SLC22A24: variants seen among roughly 807,000 people sequenced by gnomAD.
The protein encoded by SLC22A24 is solute carrier family 22 member 24, also known as steroid transmembrane transporter SLC22A24.
In SLC22A24, 53 loss-of-function variants were observed where a neutral mutation model predicts 49.8. The ratio of observed to expected loss-of-function variants is 1.06; its 90% CI spans 0.85 to 1.34. The LOEUF is 1.34. Among genes scored for constraint, SLC22A24 ranks in the 40% most tolerant of loss-of-function variants. The pLI is 0.00. For synonymous variants in SLC22A24, 302 were observed against 256.4 expected (o/e 1.18, Z -1.70); for missense variants, 786 against 675.9 (o/e 1.16, Z -1.81).
At chr11:63,094,115 A>G (rs1405995408) in intron 6 of SLC22A24, among the ~76,000 whole-genome samples, 2 of 149,414 alleles carry the variant, frequency 1.3e-5, no homozygotes, top group African/African-American at 2.4e-5. Context: ...AGCATTAGGT[A>G]TATCTCCTAA....
intron 5 of SLC22A24, among the ~76,000 whole-genome samples, chr11:63,099,816 G>C (rs556495911): frequency 1.3e-5 from 2 of 152,100 alleles, no homozygotes; most frequent in African/African-American, 4.8e-5. Flanking sequence ...CAGAATAAAG[G>C]ACAAAAACTG....
chr11:63,098,626 G>A (rs2087070125), intron 5 of SLC22A24, among the ~76,000 whole-genome samples: 2 of 152,040 alleles, frequency 1.3e-5, no homozygotes, highest in African/African-American at 4.8e-5. Flanking sequence ...TTACACCACT[G>A]CCCTCCAGCC....
At chr11:63,082,559 G>A (rs2086966024) in intron 7 of SLC22A24, among the ~76,000 whole-genome samples, 1 of 152,102 alleles carries the variant, frequency 6.6e-6, no homozygotes, top group Non-Finnish European at 1.5e-5. Flanking sequence ...ATTTAACTTA[G>A]GAAAGTGGAT....
intron 7 of SLC22A24, among the ~76,000 whole-genome samples, chr11:63,083,023 C>T (rs115492125): frequency 0.017 from 2,642 of 152,160 alleles, 80 homozygotes; most frequent in African/African-American, 0.06. Context: ...TGAAGACAAC[C>T]GTGTGTCTGA....
intron 4 of SLC22A24, among the ~76,000 whole-genome samples, chr11:63,112,155 T>A (rs2087170226): frequency 6.6e-6 from 1 of 152,094 alleles, no homozygotes; most frequent in African/African-American, 2.4e-5. Flanking sequence ...TGTAGTTGAG[T>A]GGTTTTGAGT....
intron 2 of SLC22A24, among the ~76,000 whole-genome samples, chr11:63,128,554 C>T (rs770327549): frequency 3.0e-4 from 45 of 152,312 alleles, no homozygotes; most frequent in East Asian, 9.6e-4. Flanking sequence ...GCTCCTGGTC[C>T]GCTTTCATGT....
chr11:63,110,620 G>A (rs1225888605), intron 4 of SLC22A24, among the ~76,000 whole-genome samples: 1 of 131,210 alleles, frequency 7.6e-6, no homozygotes, highest in Non-Finnish European at 1.7e-5. Flanking sequence ...GTTGTGAATG[G>A]GAGTTCACTC....
intron 4 of SLC22A24, among the ~76,000 whole-genome samples, chr11:63,110,803 A>G (rs1423620026): frequency 1.4e-5 from 2 of 141,524 alleles, no homozygotes; most frequent in African/African-American, 5.1e-5. Flanking sequence ...AACATGGACA[A>G]TTTGACTTCC....
intron 5 of SLC22A24, among the ~76,000 whole-genome samples, chr11:63,097,569 G>A (rs543061314): frequency 3.4e-4 from 51 of 152,214 alleles, no homozygotes; most frequent in African/African-American, 1.2e-3. Flanking sequence ...TCCCATTACT[G>A]GGTATATACC....
chr11:63,103,821 G>A (rs1039196763), intron 5 of SLC22A24, among the ~76,000 whole-genome samples: 4 of 152,134 alleles, frequency 2.6e-5, no homozygotes, highest in Non-Finnish European at 5.9e-5. Flanking sequence ...TCTTCTGTAT[G>A]ATTAATTATA....
Position 63,143,622 on chromosome 11 carries a change from A to AG in SLC22A24, c.157dup (p.Leu53ProfsTer5), listed in dbSNP as rs1308078240. 1 of 1,588,712 alleles carries AG rather than the reference A, an allele frequency of 6.3e-7. No homozygotes were observed. The highest frequency in any genetic ancestry group is 8.6e-7 in the Non-Finnish European group (1 of 1,168,214). The stretch of plus-strand genomic sequence containing the variant: ...GTCAGACACAGTGTCATTGTCCAGG[A>AG]GGGGGACCCAGCAGCGATGACTAGG... On this transcript the variant is annotated frameshift_variant, in exon 1 of 10. Transcript: ENST00000612278. LOFTEE classifies it high-confidence loss of function.
intron 5 of SLC22A24, among the ~76,000 whole-genome samples, chr11:63,102,406 T>C (rs557156077): frequency 2.0e-5 from 3 of 152,120 alleles, no homozygotes; most frequent in Middle Eastern, 6.8e-3. Flanking sequence ...AAATACAGCC[T>C]CTAGGATACT....
At chr11:63,088,140 C>T (rs937419197) in intron 6 of SLC22A24, among the ~76,000 whole-genome samples, 4 of 152,188 alleles carry the variant, frequency 2.6e-5, no homozygotes, top group African/African-American at 7.2e-5. Context: ...GGAGAAACCT[C>T]CCAACGGGGT....
At chr11:63,090,022 A>G (rs1482361818) in intron 6 of SLC22A24, among the ~76,000 whole-genome samples, 1 of 138,490 alleles carries the variant, frequency 7.2e-6, no homozygotes, top group Non-Finnish European at 1.5e-5. Flanking sequence ...CAGAGCTTGC[A>G]GAGAGCTGAG....
intron 1 of SLC22A24, among the ~76,000 whole-genome samples, chr11:63,139,570 C>G (rs1415937099): frequency 6.6e-6 from 1 of 152,146 alleles, no homozygotes; most frequent in Non-Finnish European, 1.5e-5. Flanking sequence ...ACATCCCCAA[C>G]CCCCAATGAG....
At chr11:63,136,443 C>T (rs1219738790) in intron 1 of SLC22A24, among the ~76,000 whole-genome samples, 1 of 152,234 alleles carries the variant, frequency 6.6e-6, no homozygotes, top group Non-Finnish European at 1.5e-5. Context: ...TCCAACAGCA[C>T]ATCATACAAC....
intron 6 of SLC22A24, among the ~76,000 whole-genome samples, chr11:63,095,381 G>A (rs1358523925): frequency 3.3e-5 from 5 of 152,100 alleles, no homozygotes; most frequent in Non-Finnish European, 7.4e-5. Flanking sequence ...AAGAGAAAAT[G>A]ACCTACAATT....
chr11:63,139,986 T>C (rs1192525726), intron 1 of SLC22A24, among the ~76,000 whole-genome samples: 1 of 152,122 alleles, frequency 6.6e-6, no homozygotes, highest in Non-Finnish European at 1.5e-5. Flanking sequence ...GAGCTTAATA[T>C]TTTGTCAGAA....
chr11:63,108,168 C>T (rs2087135072), intron 4 of SLC22A24, among the ~76,000 whole-genome samples: 1 of 152,204 alleles, frequency 6.6e-6, no homozygotes, highest in Non-Finnish European at 1.5e-5. Flanking sequence ...TGTCAAAGGC[C>T]TTTTCTGCAT....
Sources: gnomAD v4.1 joint callset for allele counts (sites outside exome capture counted in the v4.1 genomes callset) on GRCh38, gnomAD v4.1.1 for gene constraint, MANE v1.5 for transcripts, NCBI Gene and HGNC (gene_info 2026-07-23, HGNC 2026-07-21) for gene names.